NEBL: variants seen among roughly 807,000 people sequenced by gnomAD.
NEBL encodes LIM and SH3 protein 2.
Under a neutral mutation model 140.2 loss-of-function variants are expected in NEBL, and 122 were observed. The ratio of observed to expected loss-of-function variants is 0.87; its 90% CI spans 0.75 to 1.01. The LOEUF is 1.01. Ranked by LOEUF, NEBL falls within the 50% of genes least tolerant of loss-of-function variation. The pLI is 0.00. For missense variants in NEBL, 1,365 were observed against 1,231.3 expected (o/e 1.11, Z -1.62); for synonymous variants, 436 against 398.9 (o/e 1.09, Z -1.11).
At chr10:21,190,545 A>G (rs1309090493) in intron 3 of NEBL, among the ~76,000 whole-genome samples, 1 of 152,192 alleles carries the variant, frequency 6.6e-6, no homozygotes, top group Non-Finnish European at 1.5e-5. Flanking sequence ...GTTAATAAGA[A>G]CTTGGAAGGC....
In NEBL at chr10:21,109,768, T is replaced by C. The variant is rs189715365; in HGVS notation, c.164+62615A>G. Among the ~76,000 whole-genome samples the C allele has an allele frequency of 7.2e-5, 11 of 152,324 alleles. No homozygotes were observed. The East Asian group carries it at 1.9e-3, about 27-fold the overall frequency. On this transcript the variant is annotated intron_variant, in intron 2 of 6. Transcript: ENST00000417816. ...CAGGAATTCATCCATTTCTTGTAGA[T>C]TATCTAGTTTATTTGCATAGAGGTG... is the stretch of plus-strand genomic sequence containing the variant.
At chr10:21,115,500 A>AT (rs1014668623) in intron 2 of NEBL, among the ~76,000 whole-genome samples, 14 of 147,644 alleles carry the variant, frequency 9.5e-5, no homozygotes, top group African/African-American at 2.2e-4. Context: ...CTATTCTTTA[A>AT]TTTTTTTTTC....
chr10:21,113,290 T>TA (rs56366013), intron 2 of NEBL: 9,309 of 122,706 alleles, frequency 0.076, 13 homozygotes, highest in South Asian at 0.11. Context: ...ATGAGAATCC[T>TA]AAAAAAAAAA....
intron 3 of NEBL, among the ~76,000 whole-genome samples, chr10:20,970,439 G>C (rs2131636422): frequency 6.6e-6 from 1 of 152,110 alleles, no homozygotes; most frequent in South Asian, 2.1e-4. Flanking sequence ...AGGAGTTCAA[G>C]ACCAGCCTGG....
intron 1 of NEBL, among the ~76,000 whole-genome samples, chr10:21,271,965 A>AT (rs940922376): frequency 1.6e-4 from 23 of 148,180 alleles, no homozygotes; most frequent in African/African-American, 3.7e-4. Context: ...AATAGAAACA[A>AT]TTTTTTTTTT....
chr10:20,914,203 C>T (rs12259450), intron 4 of NEBL, among the ~76,000 whole-genome samples: 1 of 152,110 alleles, frequency 6.6e-6, no homozygotes, highest in African/African-American at 2.4e-5. Context: ...GTGGATAATT[C>T]GATGTCAGTA....
intron 5 of NEBL, among the ~76,000 whole-genome samples, chr10:20,876,643 C>T (rs11012371): frequency 0.52 from 79,689 of 151,994 alleles, 22,352 homozygotes; most frequent in Non-Finnish European, 0.62. Flanking sequence ...CACATTGAAT[C>T]GACTACCAAT....
At position 21,198,126 on chromosome 10, in the gene NEBL, A is replaced by G. The variant is rs368216949; in HGVS notation, n.349-25649T>C. Among the ~76,000 whole-genome samples, 153 of 152,164 alleles carry G rather than the reference A, an allele frequency of 1.0e-3. 1 individual carries two copies. Among genetic ancestry groups the G allele is most frequent in the Admixed American group, 1.2e-3 (19 of 15,278 alleles). The stretch of plus-strand genomic sequence containing the variant: ...GTCTGTAGCATCATACCTTACAGTG[A>G]TCACAGCCTTCACCAGCCTCCTCTG... On this transcript the variant is annotated intron_variant and non_coding_transcript_variant, in intron 3 of 8. Transcript: ENST00000675702.
At chr10:20,802,513 T>C (rs1837215334) in intron 26 of NEBL, among the ~76,000 whole-genome samples, 1 of 152,140 alleles carries the variant, frequency 6.6e-6, no homozygotes, top group African/African-American at 2.4e-5. Flanking sequence ...AAAAGTAGAT[T>C]GACAAGTAAA....
In NEBL at chr10:20,880,815, C is replaced by A; in HGVS notation, c.459G>T (p.Glu153Asp). The change falls in exon 5 of 28, where the codon GAG becomes GAT. Residue 153 changes from glutamate (E) to aspartate (D), a missense_variant. Physicochemically the swap from Glu to Asp is conservative, Grantham distance 45 (BLOSUM62 2). Transcript: ENST00000377122. ...TTACATTACTCTGGTGTTTATTGAC[C>A]TCCATGGCATGTTTAACCTCAGGGG... ...KEPPEVKHAM[E>D]VNKHQSNISY... 1 of 1,613,462 alleles carries A rather than the reference C, an allele frequency of 6.2e-7. No homozygotes were observed. Among genetic ancestry groups the A allele is most frequent in the Non-Finnish European group, 8.5e-7 (1 of 1,179,450 alleles).
At chr10:21,043,725 AG>A (rs1834373161) in intron 2 of NEBL, among the ~76,000 whole-genome samples, 1 of 152,226 alleles carries the variant, frequency 6.6e-6, no homozygotes, top group Non-Finnish European at 1.5e-5. Flanking sequence ...CAAACAATTG[AG>A]GTCTCTCAAA....
intron 3 of NEBL, among the ~76,000 whole-genome samples, chr10:21,232,952 C>T (rs1408913156): frequency 6.6e-6 from 1 of 152,176 alleles, no homozygotes; most frequent in Non-Finnish European, 1.5e-5. Flanking sequence ...AGTAGTCAAT[C>T]TCAGGGTATA....
chr10:20,810,788 T>A (rs567956195), intron 24 of NEBL, among the ~76,000 whole-genome samples: 1 of 152,354 alleles, frequency 6.6e-6, no homozygotes, highest in African/African-American at 2.4e-5. Flanking sequence ...AACAATTAAT[T>A]TGTAAAATGG....
chr10:20,964,768 T>C (rs1589083737), intron 3 of NEBL, among the ~76,000 whole-genome samples: 1 of 152,122 alleles, frequency 6.6e-6, no homozygotes, highest in East Asian at 1.9e-4. Context: ...CACTGTCCAA[T>C]AATGAAGTCA....
chr10:21,083,313 G>A (rs932725211), intron 2 of NEBL, among the ~76,000 whole-genome samples: 3 of 152,180 alleles, frequency 2.0e-5, no homozygotes, highest in African/African-American at 7.2e-5. Flanking sequence ...AAACTGTGTA[G>A]TTGTTGTATT....
intron 4 of NEBL, among the ~76,000 whole-genome samples, chr10:20,928,309 C>T (rs957220050): frequency 5.9e-5 from 9 of 152,158 alleles, no homozygotes; most frequent in African/African-American, 2.2e-4. Context: ...ACACCAGCCA[C>T]CTTTCAAGTA....
At chr10:20,864,712 T>C (rs2131191954) in intron 7 of NEBL, among the ~76,000 whole-genome samples, 1 of 152,340 alleles carries the variant, frequency 6.6e-6, no homozygotes, top group Non-Finnish European at 1.5e-5. Context: ...TGTGCCTTTA[T>C]CATTAGTTTA....
chr10:21,029,218 C>T, intron 2 of NEBL: 1 of 1,463,980 alleles, frequency 6.8e-7, no homozygotes. Context: ...TTCCATCCTT[C>T]CCACTGCTCC....
chr10:21,134,768 G>A (rs990947126), intron 2 of NEBL, among the ~76,000 whole-genome samples: 20 of 152,164 alleles, frequency 1.3e-4, no homozygotes, highest in Non-Finnish European at 2.8e-4. Context: ...ATCAAATCAC[G>A]TCTTGGGTGA....
Sources: gnomAD v4.1 joint callset for allele counts (sites outside exome capture counted in the v4.1 genomes callset) on GRCh38, gnomAD v4.1.1 for gene constraint, MANE v1.5 for transcripts, NCBI Gene and HGNC (gene_info 2026-07-23, HGNC 2026-07-21) for gene names.